FAM178B: variants seen among roughly 807,000 people sequenced by gnomAD.
FAM178B encodes the protein family with sequence similarity 178 member B.
In FAM178B, 82 loss-of-function variants were observed where a neutral mutation model predicts 91.7. The observed-to-expected ratio is 0.89, with a 90% CI of 0.75 to 1.07. The LOEUF is 1.07. Among genes scored for constraint, FAM178B ranks in the 50% least tolerant of loss-of-function variants. The probability of loss-of-function intolerance (pLI) is 0.00; values close to 1 mark genes in which losing one functional copy is unlikely to be tolerated. For synonymous variants in FAM178B, 368 were observed against 359.4 expected (o/e 1.02, Z -0.27); for missense variants, 769 against 846.7 (o/e 0.91, Z 1.14).
At chr2:96,957,190 A>G (rs747752834) in intron 6 of FAM178B, among the ~76,000 whole-genome samples, 51 of 152,118 alleles carry the variant, frequency 3.4e-4, no homozygotes, top group Non-Finnish European at 1.3e-4. Context: ...ACCCGCCTCC[A>G]TGGCCATGTT....
intron 16 of FAM178B, among the ~76,000 whole-genome samples, chr2:96,877,325 G>A (rs1381172379): frequency 8.5e-5 from 13 of 152,206 alleles, no homozygotes; most frequent in African/African-American, 3.1e-4. Flanking sequence ...TCCCTCTCCA[G>A]GGTGACTTTT....
intron 6 of FAM178B, among the ~76,000 whole-genome samples, chr2:96,954,728 T>C (rs1450661631): frequency 6.6e-6 from 1 of 152,356 alleles, no homozygotes; most frequent in East Asian, 1.9e-4. Context: ...CGTTCACCTA[T>C]GGCCTTTTGC....
intron 12 of FAM178B, among the ~76,000 whole-genome samples, chr2:96,905,432 C>A (rs1248452867): frequency 1.3e-5 from 2 of 151,660 alleles, no homozygotes; most frequent in Non-Finnish European, 2.9e-5. Flanking sequence ...GTGGCACACA[C>A]CTGTAATCCT....
In FAM178B at chr2:96,967,604, C is replaced by A. The variant is rs79191548; in HGVS notation, c.650G>T (p.Arg217Leu). 6.5e-7 allele frequency: 1 copy of A among 1,550,010 alleles called. No individual in the cohort carries two copies. Among genetic ancestry groups the A allele is most frequent in the South Asian group, 1.2e-5 (1 of 84,044 alleles). ...EKREQALEQE[R>L]ERLLLQECLN... ...ACACTCCTGCAGAAGCAGCCTCTCT[C>A]GCTCCTGCTCCAGGGCCTGTTCCCT... The change falls in exon 5 of 17, where the codon CGA becomes CTA. Residue 217 changes from arginine (R) to leucine (L), a missense_variant. Coordinates refer to ENST00000490605, the MANE Select transcript of FAM178B (RefSeq NM_001122646.3).
chr2:96,959,076 G>A (rs1241950144), intron 6 of FAM178B, among the ~76,000 whole-genome samples: 3 of 151,804 alleles, frequency 2.0e-5, no homozygotes, highest in African/African-American at 7.3e-5. Flanking sequence ...GCAGGTGCCT[G>A]TAGTCCCAGC....
chr2:96,896,398 C>G (rs761061801), intron 13 of FAM178B, among the ~76,000 whole-genome samples: 3 of 152,196 alleles, frequency 2.0e-5, no homozygotes, highest in East Asian at 1.9e-4. Context: ...GCCTCTCCCC[C>G]ACACACAAAC....
chr2:96,930,675 A>G (rs886367229), intron 8 of FAM178B, among the ~76,000 whole-genome samples: 9 of 152,214 alleles, frequency 5.9e-5, no homozygotes, highest in African/African-American at 2.2e-4. Context: ...CTGACCAAGT[A>G]CTACACAGCT....
intron 8 of FAM178B, among the ~76,000 whole-genome samples, chr2:96,943,174 G>A (rs2081763157): frequency 6.6e-6 from 1 of 152,118 alleles, no homozygotes; most frequent in South Asian, 2.1e-4. Context: ...GTACATCAAA[G>A]GACATTATCA....
intron 1 of FAM178B, among the ~76,000 whole-genome samples, chr2:96,976,951 T>C (rs184236935): frequency 3.5e-4 from 53 of 152,056 alleles, no homozygotes; most frequent in Admixed American, 2.6e-3. Flanking sequence ...CCCCAGCACT[T>C]TGGGAGGCCA....
chr2:96,954,456 G>A (rs143849558), intron 6 of FAM178B, among the ~76,000 whole-genome samples: 216 of 152,368 alleles, frequency 1.4e-3, no homozygotes, highest in Middle Eastern at 0.014. Flanking sequence ...CCTAAGCAGA[G>A]CTCTGACCAG....
intron 13 of FAM178B, among the ~76,000 whole-genome samples, chr2:96,896,141 C>G (rs1425976247): frequency 2.0e-5 from 3 of 152,374 alleles, no homozygotes; most frequent in Non-Finnish European, 4.4e-5. Flanking sequence ...GCCCACACCC[C>G]CAGCGTGGCC....
chr2:96,881,826 C>A (rs955239611), intron 14 of FAM178B, among the ~76,000 whole-genome samples: 1 of 152,070 alleles, frequency 6.6e-6, no homozygotes, highest in Non-Finnish European at 1.5e-5. Flanking sequence ...TAGAGAAAAA[C>A]CCTGTTAACC....
In FAM178B at chr2:96,885,118, T is replaced by C. The variant is rs369219672; in HGVS notation, c.1777-6625A>G. Among the ~76,000 whole-genome samples, 24 of 152,292 alleles carry C rather than the reference T, an allele frequency of 1.6e-4. No individual in the cohort carries two copies. The East Asian group carries it at 2.7e-3, about 17-fold the overall frequency. The stretch of plus-strand genomic sequence containing the variant: ...AGGGGTGGGGGTGACCCAAACACGG[T>C]CCCTAAACACGGAGCAGGGATGAGG... On this transcript the variant is annotated intron_variant, in intron 14 of 16. Transcript: ENST00000490605.
intron 1 of FAM178B, among the ~76,000 whole-genome samples, chr2:96,980,121 T>G (rs2082343082): frequency 6.6e-6 from 1 of 152,150 alleles, no homozygotes; most frequent in African/African-American, 2.4e-5. Flanking sequence ...TCACCCAGGC[T>G]GGAGTGCAGT....
chr2:96,891,384 A>G (rs2080675192), intron 14 of FAM178B, among the ~76,000 whole-genome samples: 1 of 152,248 alleles, frequency 6.6e-6, no homozygotes. Flanking sequence ...CAAGGGGACC[A>G]CGATGCAGAG....
chr2:96,919,485 C>G (rs2081296971), intron 12 of FAM178B, among the ~76,000 whole-genome samples: 1 of 152,214 alleles, frequency 6.6e-6, no homozygotes, highest in South Asian at 2.1e-4. Flanking sequence ...TTTACGTGAG[C>G]CAGACATGGT....
intron 9 of FAM178B, among the ~76,000 whole-genome samples, chr2:96,926,483 C>G (rs1009933496): frequency 2.0e-5 from 3 of 152,166 alleles, no homozygotes; most frequent in Non-Finnish European, 2.9e-5. Flanking sequence ...CCTTTGTGCT[C>G]CTGGGGGAGA....
chr2:96,930,521 C>T (rs1054471591), intron 8 of FAM178B, among the ~76,000 whole-genome samples: 5 of 152,192 alleles, frequency 3.3e-5, no homozygotes, highest in Admixed American at 3.3e-4. Context: ...CTTGCTTCTC[C>T]TTCTGTCTCT....
intron 5 of FAM178B, among the ~76,000 whole-genome samples, chr2:96,962,445 GAAA>G (rs750502632): frequency 8.3e-5 from 1 of 12,038 alleles, no homozygotes; most frequent in East Asian, 6.2e-4. Flanking sequence ...AAAAAAAAAA[GAAA>G]GAAAGAAAGA....
Sources: allele counts gnomAD v4.1 joint callset (sites outside exome capture counted in the v4.1 genomes callset), GRCh38; gene constraint gnomAD v4.1.1; transcripts MANE v1.5; gene names NCBI Gene and HGNC (gene_info 2026-07-23, HGNC 2026-07-21).